PRAG1: variants seen among roughly 807,000 people sequenced by gnomAD.
The protein encoded by PRAG1 is inactive tyrosine-protein kinase PRAG1.
Under a neutral mutation model 95.6 loss-of-function variants are expected in PRAG1, and 110 were observed. That is an observed-to-expected ratio of 1.15 (90% CI 0.99 to 1.35). PRAG1 has a LOEUF of 1.35. Among genes scored for constraint, PRAG1 ranks in the 40% most tolerant of loss-of-function variants. The pLI is 0.00. For synonymous variants in PRAG1, 1,052 were observed against 819.4 expected, an observed-to-expected ratio of 1.28 and a Z score of -4.85; for missense variants, 2,554 against 1,864.7, an observed-to-expected ratio of 1.37 and a Z score of -6.81.
chr8:8,357,584 T>C (rs1271135741), intron 3 of PRAG1, among the ~76,000 whole-genome samples: 1 of 152,168 alleles, frequency 6.6e-6, no homozygotes, highest in Non-Finnish European at 1.5e-5. Flanking sequence ...TTGTGCACTG[T>C]CAGTGGGAAT....
intron 4 of PRAG1, among the ~76,000 whole-genome samples, chr8:8,337,922 T>C (rs1480055353): frequency 3.3e-5 from 5 of 152,138 alleles, no homozygotes; most frequent in East Asian, 3.8e-4. Context: ...CCGGTGTCTA[T>C]TGAAGCATGT....
intron 3 of PRAG1, among the ~76,000 whole-genome samples, chr8:8,351,439 G>A (rs1321461058): frequency 6.6e-6 from 1 of 152,120 alleles, no homozygotes; most frequent in Non-Finnish European, 1.5e-5. Flanking sequence ...AATTCTTTTT[G>A]CTATCGACAG....
chr8:8,334,871 T>A (rs765318007), intron 4 of PRAG1, among the ~76,000 whole-genome samples: 5 of 151,912 alleles, frequency 3.3e-5, no homozygotes, highest in Non-Finnish European at 7.4e-5. Flanking sequence ...TCACTTGAGG[T>A]CAGGAGTTTG....
chr8:8,382,058 C>T (rs1215911587), intron 1 of PRAG1, among the ~76,000 whole-genome samples: 1 of 151,984 alleles, frequency 6.6e-6, no homozygotes, highest in Non-Finnish European at 1.5e-5. Flanking sequence ...AGCCTTGTTG[C>T]TTTAAAGGAG....
chr8:8,368,565 T>C (rs1311790697), intron 3 of PRAG1, among the ~76,000 whole-genome samples: 5 of 152,238 alleles, frequency 3.3e-5, no homozygotes, highest in African/African-American at 9.6e-5. Context: ...AGATCTTTAA[T>C]GAGGGCATTA....
intron 5 of PRAG1, among the ~76,000 whole-genome samples, chr8:8,319,944 G>C (rs540286978): frequency 6.6e-6 from 1 of 152,352 alleles, no homozygotes; most frequent in African/African-American, 2.4e-5. Flanking sequence ...AATTCCAAGT[G>C]TCTATGAGGA....
At chr8:8,342,969 C>A (rs1420030274) in intron 3 of PRAG1, among the ~76,000 whole-genome samples, 2 of 151,662 alleles carry the variant, frequency 1.3e-5, no homozygotes, top group Non-Finnish European at 2.9e-5. Context: ...TGAAAAAAAA[C>A]AAACCTTGGA....
rs369974902 is a variant in PRAG1, at chr8:8,381,595, C to G, written c.153G>C (p.Ala51=). The G allele has an allele frequency of 5.0e-6, 8 of 1,614,040 alleles. No homozygotes were observed. In the South Asian group the frequency reaches 7.7e-5, roughly 16 times the overall value. Residue 51 remains alanine, a synonymous_variant, in exon 2 of 6, where the codon GCG becomes GCC. Coordinates refer to ENST00000615670, the MANE Select transcript of PRAG1 (RefSeq NM_001080826.3). ...GGCGCGGTGGAGGGGGCAGGCTGCC[C>G]GCTCTGGGCTGGGGAGGGCCGGCCA... ...QLVAGPPQPR[A]GSLPPPPRLP... is the part of the protein sequence containing the mutation.
In PRAG1 at chr8:8,319,041, G is replaced by C. The variant is rs761583755; in HGVS notation, c.3334C>G (p.Gln1112Glu). The change falls in exon 6 of 6, where the codon CAG (glutamine) becomes GAG (glutamate). Residue 1112 changes from glutamine to glutamate, a missense_variant. Transcript: ENST00000615670. ...CGCTCGTACGCCTCGGGCTCCGCCT[G>C]GTGGCTGGCCGCCGAGTCCCGCACG... ...DFVRDSAASH[Q>E]AEPEAYERRV... The C allele has an allele frequency of 1.2e-6, 2 of 1,612,870 alleles. No individual in the cohort carries two copies. Among genetic ancestry groups the C allele is most frequent in the African/African-American group, 1.3e-5 (1 of 74,914 alleles).
chr8:8,358,888 G>C (rs1799763721), intron 3 of PRAG1, among the ~76,000 whole-genome samples: 1 of 152,228 alleles, frequency 6.6e-6, no homozygotes. Flanking sequence ...CAAAGGAAAA[G>C]AGGAAGTTGC....
At chr8:8,330,199 C>G (rs1194058824) in intron 4 of PRAG1, among the ~76,000 whole-genome samples, 1 of 152,134 alleles carries the variant, frequency 6.6e-6, no homozygotes, top group East Asian at 1.9e-4. Context: ...ACCCCCAACT[C>G]TACAAAAGAT....
intron 3 of PRAG1, among the ~76,000 whole-genome samples, chr8:8,357,325 A>T (rs954854281): frequency 2.0e-5 from 3 of 152,216 alleles, no homozygotes; most frequent in Non-Finnish European, 4.4e-5. Context: ...ACAACACTTA[A>T]AACTCAACAA....
chr8:8,381,376 A>G, intron 2 of PRAG1, 42 bp downstream of exon 2: 1 of 1,555,140 alleles, frequency 6.4e-7, no homozygotes, highest in East Asian at 2.3e-5. Context: ...TTCAAACAGG[A>G]GCAGCCCCTG....
chr8:8,327,661 C>T, intron 5 of PRAG1, 49 bp downstream of exon 5: 2 of 1,568,636 alleles, frequency 1.3e-6, no homozygotes, highest in Non-Finnish European at 1.7e-6. Context: ...CTGCCCAAGC[C>T]AGCACCAGCC....
chr8:8,327,525 G>C (rs1798669560), intron 5 of PRAG1, among the ~76,000 whole-genome samples, 185 bp downstream of exon 5: 1 of 152,150 alleles, frequency 6.6e-6, no homozygotes, highest in Non-Finnish European at 1.5e-5. Flanking sequence ...AGCCAAGATT[G>C]TGCCACTGCA....
At chr8:8,357,030 C>G (rs1349936193) in intron 3 of PRAG1, among the ~76,000 whole-genome samples, 1 of 152,046 alleles carries the variant, frequency 6.6e-6, no homozygotes, top group African/African-American at 2.4e-5. Context: ...CAAAAATTAT[C>G]TAAAAATGGG....
rs1208310577 is a variant in PRAG1 at position 8,377,852 on chromosome 8, T to C, written c.557A>G (p.Lys186Arg). 6.2e-7 allele frequency: 1 copy of C among 1,614,158 alleles called. No individual in the cohort carries two copies. Among genetic ancestry groups the C allele is most frequent in the Admixed American group, 1.7e-5 (1 of 60,034 alleles). Residue 186 changes from lysine to arginine, a missense_variant, in exon 3 of 6, where the codon AAG becomes AGG. Physicochemically the swap from Lys to Arg is conservative, Grantham distance 26 (BLOSUM62 2). Transcript: ENST00000615670. ...TGAGGGTTTTTCTTTGTGCACAGCC[T>C]TCTCCTCCGGGAAGCTCACCGGGTG... ...AFHPVSFPEEKAVHKEKPSFP... is the reference protein window; with the variant it reads ...AFHPVSFPEERAVHKEKPSFP...
intron 3 of PRAG1, among the ~76,000 whole-genome samples, chr8:8,373,003 C>G (rs1319917100): frequency 6.6e-6 from 1 of 152,184 alleles, no homozygotes; most frequent in East Asian, 1.9e-4. Flanking sequence ...TGAAGCTGAT[C>G]ATTAGAAATA....
chr8:8,327,452 C>T (rs1487997455), intron 5 of PRAG1, among the ~76,000 whole-genome samples: 1 of 152,162 alleles, frequency 6.6e-6, no homozygotes, highest in Non-Finnish European at 1.5e-5. Context: ...CACAGATAAT[C>T]CCAGCTACTC....
Sources: gnomAD v4.1 joint callset for allele counts (sites outside exome capture counted in the v4.1 genomes callset) on GRCh38, gnomAD v4.1.1 for gene constraint, MANE v1.5 for transcripts, NCBI Gene and HGNC (gene_info 2026-07-23, HGNC 2026-07-21) for gene names.